The following RNF217 variants were observed in gnomAD, a reference collection of about 807,000 sequenced individuals.
The protein encoded by RNF217 is E3 ubiquitin-protein ligase RNF217.
In RNF217, 31 loss-of-function variants were observed where a neutral mutation model predicts 57.8. The observed-to-expected ratio is 0.54, with a 90% CI of 0.40 to 0.72. The LOEUF (loss-of-function observed/expected upper bound fraction) is 0.72. Ranked by LOEUF, RNF217 falls within the 30% of genes least tolerant of loss-of-function variation. The pLI is 0.00. For missense variants in RNF217, 696 were observed against 708.3 expected, an observed-to-expected ratio of 0.98 and a Z score of 0.20; for synonymous variants, 313 against 294.0, an observed-to-expected ratio of 1.06 and a Z score of -0.66.
intron 3 of RNF217, among the ~76,000 whole-genome samples, chr6:125,068,035 T>C (rs1788001280): frequency 6.6e-6 from 1 of 152,154 alleles, no homozygotes; most frequent in Non-Finnish European, 1.5e-5. Context: ...GTTCATTATA[T>C]TTTGCAGATG....
chr6:124,994,596 GA>G (rs1012027980), intron 1 of RNF217, among the ~76,000 whole-genome samples: 5 of 151,724 alleles, frequency 3.3e-5, no homozygotes, highest in South Asian at 2.1e-4. Flanking sequence ...CCAAATTGGA[GA>G]AAAAAAAGTT....
chr6:125,070,345 A>G (rs1003215351), intron 3 of RNF217, among the ~76,000 whole-genome samples: 8 of 152,166 alleles, frequency 5.3e-5, no homozygotes, highest in African/African-American at 1.7e-4. Flanking sequence ...TCATATAATG[A>G]TGTCTGTCCT....
intron 1 of RNF217, among the ~76,000 whole-genome samples, chr6:125,044,716 A>G (rs1046648871): frequency 4.0e-4 from 61 of 152,270 alleles, no homozygotes; most frequent in African/African-American, 1.4e-3. Flanking sequence ...ACTATTAGGC[A>G]TTATACATTA....
intron 1 of RNF217, among the ~76,000 whole-genome samples, chr6:125,029,260 T>G (rs1666639927): frequency 6.6e-6 from 1 of 152,180 alleles, no homozygotes; most frequent in Non-Finnish European, 1.5e-5. Context: ...CTCCCTATTT[T>G]GAAGGTATTA....
At chr6:124,984,548 A>AT (rs68067092) in intron 1 of RNF217, among the ~76,000 whole-genome samples, 36,277 of 150,034 alleles carry the variant, frequency 0.24, 4,921 homozygotes, top group East Asian at 0.4. Flanking sequence ...TCTCAAAAAA[A>AT]AAAAAAAAAA....
chr6:125,009,146 G>A, intron 1 of RNF217: 1 of 1,402,744 alleles, frequency 7.1e-7, no homozygotes, highest in Non-Finnish European at 9.6e-7. Context: ...TTGACCTTTT[G>A]CCATTTTTTC....
In RNF217 at chr6:124,962,667, C is replaced by A; in HGVS notation, c.123C>A (p.Pro41=). The stretch of plus-strand genomic sequence containing the variant: ...CTCAGGGGGACAGCGCCCGGGCGCC[C>A]CCGCTGCGCGCCGCCTCCGCGGAGC... ...PRPQGDSARA[P]PLRAASAEPS... The change falls in exon 1 of 6, where the codon CCC becomes CCA. Residue 41 remains proline, a synonymous_variant. Transcript: ENST00000521654. The surrounding 1 kb of genome is among the most constrained non-coding windows in gnomAD (Gnocchi z 4.6). The A allele has an allele frequency of 7.5e-7, 1 of 1,340,498 alleles. No homozygotes were observed. The highest frequency in any genetic ancestry group is 9.5e-7 in the Non-Finnish European group (1 of 1,057,198). 83.0% of individuals were successfully genotyped at this position (1,340,498 alleles called of 1,614,324 possible).
intron 2 of RNF217, among the ~76,000 whole-genome samples, chr6:125,046,857 C>T (rs9372806): frequency 0.27 from 40,706 of 151,622 alleles, 7,033 homozygotes; most frequent in East Asian, 0.53. Flanking sequence ...AATTTATTTA[C>T]TGTTTTTATG....
chr6:125,071,528 GTGTGTGTGTA>G (rs1788143698), intron 3 of RNF217, among the ~76,000 whole-genome samples: 1 of 57,410 alleles, frequency 1.7e-5, no homozygotes, highest in Non-Finnish European at 4.5e-5. Context: ...GTGTGTGTGT[GTGTGTGTGTA>G]TATCTTATTA....
intron 3 of RNF217, among the ~76,000 whole-genome samples, chr6:125,075,433 T>A (rs1355232073): frequency 1.3e-5 from 2 of 152,098 alleles, no homozygotes; most frequent in Non-Finnish European, 2.9e-5. Flanking sequence ...CTCAGGAAAC[T>A]TACAATCATG....
chr6:125,082,369 TTATA>T, intron 5 of RNF217: 1 of 1,373,172 alleles, frequency 7.3e-7, no homozygotes, highest in Non-Finnish European at 9.7e-7. Context: ...ACAGATAGAA[TTATA>T]AAGTATCTGA....
chr6:125,026,657 AGGGAATCAC>A (rs1786097712), intron 1 of RNF217, among the ~76,000 whole-genome samples: 1 of 151,908 alleles, frequency 6.6e-6, no homozygotes, highest in African/African-American at 2.4e-5. Flanking sequence ...GAAAAAAAAA[AGGGAATCAC>A]AGTTAGGTGC....
intron 1 of RNF217, among the ~76,000 whole-genome samples, chr6:125,014,773 G>T (rs1785543858): frequency 6.6e-6 from 1 of 152,070 alleles, no homozygotes; most frequent in African/African-American, 2.4e-5. Context: ...GTGATGAAAG[G>T]AAGTTATTTT....
chr6:125,015,989 G>C (rs1472940488), intron 1 of RNF217, among the ~76,000 whole-genome samples: 1 of 152,136 alleles, frequency 6.6e-6, no homozygotes, highest in Non-Finnish European at 1.5e-5. Context: ...ATACAGAGCA[G>C]TATGTGTCTA....
At chr6:124,992,553 T>C (rs1784598604) in intron 1 of RNF217, among the ~76,000 whole-genome samples, 1 of 152,156 alleles carries the variant, frequency 6.6e-6, no homozygotes. Context: ...TAGTGTATTA[T>C]ATAATAAAAG....
chr6:125,033,342 C>G (rs1281028396), intron 1 of RNF217, among the ~76,000 whole-genome samples: 2 of 110,602 alleles, frequency 1.8e-5, no homozygotes, highest in African/African-American at 3.4e-5. Context: ...TATCCCTCCC[C>G]CCTCCCCCCA....
chr6:125,046,401 A>G (rs1173295645), intron 2 of RNF217, among the ~76,000 whole-genome samples: 1 of 152,110 alleles, frequency 6.6e-6, no homozygotes, highest in Non-Finnish European at 1.5e-5. Context: ...CTGTGACAGC[A>G]GAGCATTGAT....
chr6:124,969,490 A>G (rs901956535), intron 1 of RNF217, among the ~76,000 whole-genome samples: 38 of 152,188 alleles, frequency 2.5e-4, no homozygotes, highest in African/African-American at 8.7e-4. Flanking sequence ...ATCGTTCTCT[A>G]TCAACTTTAT....
At chr6:125,082,703 T>A in intron 5 of RNF217, 161 bp from the exon 6 acceptor site, 1 of 1,309,268 alleles carries the variant, frequency 7.6e-7, no homozygotes, top group Non-Finnish European at 1.1e-6. Flanking sequence ...TAAAGGGAAA[T>A]ATTAAAGAAT....
Sources: allele counts gnomAD v4.1 joint callset (sites outside exome capture counted in the v4.1 genomes callset), GRCh38; gene constraint gnomAD v4.1.1; non-coding constraint Gnocchi (gnomAD v3.1); transcripts MANE v1.5; gene names NCBI Gene and HGNC (gene_info 2026-07-23, HGNC 2026-07-21).